Variants in CLASP2 observed in about 807,000 individuals in gnomAD.
CLASP2 encodes the protein cytoplasmic linker associated protein 2.
A neutral mutation model predicts 194.4 loss-of-function variants in CLASP2; 47 were observed. The ratio of observed to expected loss-of-function variants is 0.24; its 90% confidence interval spans 0.19 to 0.31. The LOEUF is 0.31. Among genes scored for constraint, CLASP2 ranks in the 10% least tolerant of loss-of-function variants. The pLI is 1.00. For missense variants in CLASP2, 1,445 were observed against 1,823.6 expected, an observed-to-expected ratio of 0.79 and a Z score of 3.78; for synonymous variants, 619 against 633.5, an observed-to-expected ratio of 0.98 and a Z score of 0.34.
rs752755158 is a variant in CLASP2 at position 33,498,627 on chromosome 3, T to G, written c.*4A>C. The G allele has an allele frequency of 4.4e-6, 7 of 1,602,250 alleles. No individual in the cohort carries two copies. The highest frequency in any genetic ancestry group is 6.0e-6 in the Non-Finnish European group (7 of 1,170,690). On this transcript the variant is annotated 3_prime_UTR_variant, in exon 39 of 39. Coordinates refer to ENST00000682230, the MANE Select transcript of CLASP2 (RefSeq NM_001365631.1). ...AGAGACCTGGTTCGCTGTGATGAGC[T>G]TCACTAACTTTGTCCAGAAACATCA...
chr3:33,550,608 T>G (rs1001838294), intron 30 of CLASP2, among the ~76,000 whole-genome samples: 1 of 150,848 alleles, frequency 6.6e-6, no homozygotes, highest in South Asian at 2.1e-4. Context: ...ATAATAGCCA[T>G]ACACATGTAG....
chr3:33,663,934 AT>A (rs888280196), intron 6 of CLASP2, among the ~76,000 whole-genome samples: 10 of 152,162 alleles, frequency 6.6e-5, no homozygotes, highest in African/African-American at 2.4e-4. Flanking sequence ...AATATAAAAT[AT>A]CAAAAACTAA....
intron 6 of CLASP2, among the ~76,000 whole-genome samples, chr3:33,679,406 C>T (rs1162722328): frequency 6.6e-6 from 1 of 152,202 alleles, no homozygotes; most frequent in African/African-American, 2.4e-5. Flanking sequence ...AAAATTAAAA[C>T]TTTCTTCTCT....
chr3:33,570,079 A>T (rs562156007), intron 26 of CLASP2, among the ~76,000 whole-genome samples: 1 of 152,322 alleles, frequency 6.6e-6, no homozygotes, highest in South Asian at 2.1e-4. Flanking sequence ...ATATTGCTGG[A>T]AACAGAATAT....
chr3:33,501,949 C>T, intron 37 of CLASP2, 181 bp from the exon 38 acceptor site: 1 of 549,244 alleles, frequency 1.8e-6, no homozygotes, highest in South Asian at 2.3e-5. Context: ...TCTCCCTTCA[C>T]TTCCCCTACT....
At chr3:33,663,617 G>T (rs771655817) in intron 6 of CLASP2, 102 bp from the exon 7 acceptor site, 105 of 750,282 alleles carry the variant, frequency 1.4e-4, no homozygotes, top group Non-Finnish European at 2.1e-4. Flanking sequence ...CAATTGTAGG[G>T]ATTCAGCTAG....
chr3:33,644,480 C>T, intron 8 of CLASP2: 1 of 345,350 alleles, frequency 2.9e-6, no homozygotes, highest in Non-Finnish European at 5.5e-6. Context: ...AACAAAAAAA[C>T]CCCAAAAAAC....
At chr3:33,552,205 G>A (rs970349475) in intron 29 of CLASP2, among the ~76,000 whole-genome samples, 1 of 147,246 alleles carries the variant, frequency 6.8e-6, no homozygotes, top group Non-Finnish European at 1.5e-5. Flanking sequence ...TGAAACCTCC[G>A]TCTCCTGGGT....
intron 36 of CLASP2, among the ~76,000 whole-genome samples, 194 bp downstream of exon 36, chr3:33,515,829 T>C (rs1385310366): frequency 1.3e-5 from 2 of 152,052 alleles, no homozygotes; most frequent in African/African-American, 4.8e-5. Context: ...CTGGCCTGTT[T>C]TAGGTGAAAG....
chr3:33,666,339 T>C (rs1411016256), intron 6 of CLASP2, among the ~76,000 whole-genome samples: 1 of 152,142 alleles, frequency 6.6e-6, no homozygotes, highest in East Asian at 1.9e-4. Context: ...CACATACCCA[T>C]TAGCAATCAT....
At chr3:33,625,607 C>T (rs2077901847) in intron 10 of CLASP2, among the ~76,000 whole-genome samples, 1 of 149,338 alleles carries the variant, frequency 6.7e-6, no homozygotes, top group South Asian at 2.1e-4. Context: ...GAAAATTGTG[C>T]ATATCTTGTC....
chr3:33,644,317 G>C (rs1403097113), intron 8 of CLASP2: 1 of 166,700 alleles, frequency 6.0e-6, no homozygotes, highest in Admixed American at 6.1e-5. Flanking sequence ...TCAGTACCCA[G>C]TATCTTCAAC....
chr3:33,568,577 T>TAAAAAAAAAAAAAAAAAAAAAAAAAAAAA (rs1553775503), intron 26 of CLASP2, among the ~76,000 whole-genome samples: 1 of 96,922 alleles, frequency 1.0e-5, no homozygotes, highest in African/African-American at 4.3e-5. Flanking sequence ...AAAAAAAAAT[T>TAAAAAAAAAAAAAAAAAAAAAAAAAAAAA]ACACACACAC....
intron 33 of CLASP2, 117 bp downstream of exon 33, chr3:33,538,672 T>C (rs764356161): frequency 3.7e-6 from 3 of 815,770 alleles, no homozygotes; most frequent in Non-Finnish European, 5.5e-6. Flanking sequence ...TAAATACTTG[T>C]AGAGTGACTG....
At chr3:33,711,420 ATTTC>A (rs1024876426) in intron 1 of CLASP2, among the ~76,000 whole-genome samples, 5 of 140,774 alleles carry the variant, frequency 3.6e-5, no homozygotes, top group Admixed American at 3.5e-4. Context: ...TAATTTTTTT[ATTTC>A]TTTTTTTTTT....
intron 6 of CLASP2, among the ~76,000 whole-genome samples, chr3:33,664,595 T>C (rs1245017630): frequency 3.3e-5 from 5 of 152,220 alleles, no homozygotes; most frequent in African/African-American, 7.2e-5. Context: ...TTCATTATAA[T>C]AGGATTTCTA....
At chr3:33,668,129 G>A (rs2086530576) in intron 6 of CLASP2, among the ~76,000 whole-genome samples, 1 of 152,184 alleles carries the variant, frequency 6.6e-6, no homozygotes, top group African/African-American at 2.4e-5. Flanking sequence ...TGAGGCAAGA[G>A]AATCGCTTGA....
chr3:33,634,306 A>G (rs1226388347), intron 8 of CLASP2, among the ~76,000 whole-genome samples: 1 of 152,228 alleles, frequency 6.6e-6, no homozygotes, highest in Non-Finnish European at 1.5e-5. Flanking sequence ...ATAAAACAAA[A>G]CCATCATTAC....
intron 13 of CLASP2, among the ~76,000 whole-genome samples, chr3:33,610,311 C>T (rs193260817): frequency 2.0e-5 from 3 of 152,280 alleles, no homozygotes; most frequent in South Asian, 2.1e-4. Flanking sequence ...ACATTCAAAG[C>T]CCTCCACACT....
Sources: allele counts gnomAD v4.1 joint callset (sites outside exome capture counted in the v4.1 genomes callset), GRCh38; gene constraint gnomAD v4.1.1; transcripts MANE v1.5; gene names NCBI Gene and HGNC (gene_info 2026-07-23, HGNC 2026-07-21).